Variants in BRSK1 observed in about 807,000 individuals in gnomAD.
The protein encoded by BRSK1 is serine/threonine-protein kinase BRSK1.
A neutral mutation model predicts 86.2 loss-of-function variants in BRSK1; 17 were observed. The observed-to-expected ratio is 0.20, with a 90% CI of 0.14 to 0.30. The LOEUF (loss-of-function observed/expected upper bound fraction) is 0.30. BRSK1 is among the 10% of genes least tolerant of loss of function. The probability of loss-of-function intolerance (pLI) is 1.00; values close to 1 mark genes in which losing one functional copy is unlikely to be tolerated. For synonymous variants in BRSK1, 464 were observed against 440.1 expected, an observed-to-expected ratio of 1.05 and a Z score of -0.68; for missense variants, 719 against 1,071.9, an observed-to-expected ratio of 0.67 and a Z score of 4.60.
At chr19:55,305,647 C>A in intron 16 of BRSK1, 61 bp downstream of exon 16, 3 of 1,609,722 alleles carry the variant, frequency 1.9e-6, no homozygotes, top group Non-Finnish European at 1.7e-6. Flanking sequence ...CCAGCAGCCC[C>A]TGGGGCTAAC....
rs1346643849 is a variant in BRSK1, at chr19:55,304,755, C to A, written c.1552C>A (p.His518Asn). ...GCGCTCCTCTGGCGGGACCCCCTTG[C>A]ACTCGCCTCTGCACACGCCCCGGGC... Reference protein sequence around the residue: ...SPRSSGGTPLHSPLHTPRASP... With the variant: ...SPRSSGGTPLNSPLHTPRASP... The change falls in exon 14 of 19, where the codon CAC becomes AAC. Residue 518 changes from histidine to asparagine, a missense_variant. Transcript: ENST00000309383. The surrounding 1 kb of genome is among the most constrained non-coding windows in gnomAD (Gnocchi z 5.2). The A allele has an allele frequency of 3.9e-6, 6 of 1,540,364 alleles. No individual in the cohort carries two copies. Among genetic ancestry groups the A allele is most frequent in the Non-Finnish European group, 8.7e-7 (1 of 1,147,792 alleles).
intron 17 of BRSK1, among the ~76,000 whole-genome samples, chr19:55,308,038 T>C (rs2088689205): frequency 2.1e-5 from 3 of 140,218 alleles, no homozygotes; most frequent in Admixed American, 2.1e-4. Context: ...TTTTTTTTTT[T>C]GAGACAGAGT....
In BRSK1 at chr19:55,294,461, G is replaced by A. The variant is rs751348832; in HGVS notation, c.678+64G>A. 6.5e-7 allele frequency: 1 copy of A among 1,540,984 alleles called. No homozygotes were observed. The highest frequency in any genetic ancestry group is 8.9e-7 in the Non-Finnish European group (1 of 1,123,820). ...TCCCACCTGGTGGGAGCATAGGACA[G>A]TACCTTCCATCCTCAGGTCATCTCC... On this transcript the variant is annotated intron_variant, in intron 7 of 18. Transcript: ENST00000309383. This position sits in a 1 kb window ranked among gnomAD's most constrained non-coding sequence, Gnocchi z 4.9.
At position 55,311,905 on chromosome 19, in the gene BRSK1, T is replaced by A. The variant is rs2088807108; in HGVS notation, c.2180-6T>A. ...AACCCACGAAAAACCTCTTCCTCCC[T>A]TGCAGACGAGAAGAACGGGGCCCAG... On this transcript the variant is annotated splice_region_variant and splice_polypyrimidine_tract_variant and intron_variant, in intron 18 of 18. Transcript: ENST00000309383. The A allele has an allele frequency of 4.3e-6, 7 of 1,611,132 alleles. No individual in the cohort carries two copies. The East Asian group carries it at 1.6e-4, about 36-fold the overall frequency.
At position 55,294,582 on chromosome 19, in the gene BRSK1, A is replaced by G. The variant is rs914250756; in HGVS notation, c.678+185A>G. Among the ~76,000 whole-genome samples the G allele has an allele frequency of 6.6e-6, 1 of 151,864 alleles. No homozygotes were observed. Among genetic ancestry groups the G allele is most frequent in the Non-Finnish European group, 1.5e-5 (1 of 67,932 alleles). On this transcript the variant is annotated intron_variant, in intron 7 of 18. Transcript: ENST00000309383. The surrounding 1 kb of genome is among the most constrained non-coding windows in gnomAD (Gnocchi z 4.9). ...AGTGGTGTGATCTCAGCTCACTGCAACCTCTGCCTCCCAGCTTCAAGCAAT... is the reference window on the plus strand; with the variant it reads ...AGTGGTGTGATCTCAGCTCACTGCAGCCTCTGCCTCCCAGCTTCAAGCAAT...
In BRSK1 at chr19:55,287,476, C is replaced by T. The variant is rs1159873673; in HGVS notation, c.317+177C>T. On this transcript the variant is annotated intron_variant, in intron 3 of 18. Coordinates refer to ENST00000309383, the MANE Select transcript of BRSK1 (RefSeq NM_032430.2). The surrounding 1 kb of genome is among the most constrained non-coding windows in gnomAD (Gnocchi z 5.3). Reference sequence around the variant, plus strand: ...GGGAAGCCCCTGACACACAGGGAACCCCACTGTTGTCACGCTGTGTTGGGC... The same window carrying T: ...GGGAAGCCCCTGACACACAGGGAACTCCACTGTTGTCACGCTGTGTTGGGC... Among the ~76,000 whole-genome samples the T allele has an allele frequency of 6.6e-6, 1 of 152,176 alleles. No individual in the cohort carries two copies. Among genetic ancestry groups the T allele is most frequent in the East Asian group, 1.9e-4 (1 of 5,178 alleles).
Position 55,283,999 on chromosome 19 carries a change from A to T in BRSK1, c.-444A>T. 1 of 1,150,844 alleles carries T rather than the reference A, an allele frequency of 8.7e-7. No individual in the cohort carries two copies. The highest frequency in any genetic ancestry group is 1.1e-6 in the Non-Finnish European group (1 of 937,118). The allele number at this position is 1,150,844 out of a possible 1,614,324, so 71.3% of individuals were successfully genotyped here. Reference sequence around the variant, plus strand: ...TTGGGGAAGGGCCCGGAGTCCCCGGATGGTGATGTCAGCGTGCCGGAGAGA... The same window carrying T: ...TTGGGGAAGGGCCCGGAGTCCCCGGTTGGTGATGTCAGCGTGCCGGAGAGA... On this transcript the variant is annotated 5_prime_UTR_variant, in exon 1 of 19. It removes an upstream start codon present in the reference 5' UTR. Coordinates refer to ENST00000309383, the MANE Select transcript of BRSK1 (RefSeq NM_032430.2).
Position 55,304,506 on chromosome 19 carries a change from G to T in BRSK1, c.1348-45G>T. On this transcript the variant is annotated intron_variant, in intron 13 of 18. Coordinates refer to ENST00000309383, the MANE Select transcript of BRSK1 (RefSeq NM_032430.2). The surrounding 1 kb of genome is among the most constrained non-coding windows in gnomAD (Gnocchi z 5.2). ...TGAGTGGGGCTCCTAGAGCCTCCTG[G>T]GAGTTGTAGTCCACTCGCTTATCTC... 1 of 1,498,508 alleles carries T rather than the reference G, an allele frequency of 6.7e-7. No homozygotes were observed. Among genetic ancestry groups the T allele is most frequent in the Non-Finnish European group, 8.9e-7 (1 of 1,127,634 alleles). 92.8% of individuals were successfully genotyped at this position (1,498,508 alleles called of 1,614,324 possible).
intron 7 of BRSK1, among the ~76,000 whole-genome samples, chr19:55,299,335 C>T (rs1216822232): frequency 6.6e-6 from 1 of 151,900 alleles, no homozygotes; most frequent in Admixed American, 6.6e-5. Flanking sequence ...TCAAGAATAA[C>T]AAGAATCAAC....
intron 18 of BRSK1, 95 bp downstream of exon 18, chr19:55,308,823 C>G (rs1167888669): frequency 0.011 from 24 of 2,116 alleles, no homozygotes; most frequent in Admixed American, 0.019. Context: ...TGGCGGGGGG[C>G]GTGGGTGGCG....
At position 55,284,498 on chromosome 19, in the gene BRSK1, A is replaced by ACCC; in HGVS notation, c.59_61dup (p.Pro20dup). 2.5e-6 allele frequency: 1 copy of ACCC among 403,744 alleles called. No homozygotes were observed. The highest frequency in any genetic ancestry group is 4.0e-6 in the Non-Finnish European group (1 of 251,860). 25.0% of individuals were successfully genotyped at this position (403,744 alleles called of 1,614,324 possible). A position where few individuals can be genotyped will look rare whatever the true frequency, so the allele number is the denominator to read the frequency against. The stretch of plus-strand genomic sequence containing the variant: ...GGCTCTCCCGCCTACCACCTCCCCC[A>ACCC]CCCCCACCCCCACCCACCCCAGCAC... On this transcript the variant is annotated inframe_insertion, in exon 1 of 19. Transcript: ENST00000309383.
intron 4 of BRSK1, among the ~76,000 whole-genome samples, chr19:55,291,259 C>T (rs2122944600): frequency 6.6e-6 from 1 of 151,408 alleles, no homozygotes; most frequent in African/African-American, 2.4e-5. Context: ...TTTTTTTTGG[C>T]TGGGCATGGT....
At chr19:55,288,532 A>G (rs1462620941) in intron 3 of BRSK1, among the ~76,000 whole-genome samples, 1 of 151,202 alleles carries the variant, frequency 6.6e-6, no homozygotes, top group Non-Finnish European at 1.5e-5. Flanking sequence ...TGGTTGATGG[A>G]AACTGGAACC....
At position 55,306,246 on chromosome 19, in the gene BRSK1, G is replaced by A. The variant is rs2305784; in HGVS notation, c.1891-6G>A. On this transcript the variant is annotated splice_polypyrimidine_tract_variant and splice_region_variant and intron_variant, in intron 16 of 18. Coordinates refer to ENST00000309383, the MANE Select transcript of BRSK1 (RefSeq NM_032430.2). The surrounding 1 kb of genome is among the most constrained non-coding windows in gnomAD (Gnocchi z 4.7). ...TCACCCCTTCCTGTGTTCCTACCTCGCTCAGATCCCCAGCCTGAGTCACAG... is the reference window on the plus strand; with the variant it reads ...TCACCCCTTCCTGTGTTCCTACCTCACTCAGATCCCCAGCCTGAGTCACAG... 1.3e-5 allele frequency: 21 copies of A among 1,613,704 alleles called. No homozygotes were observed. The highest frequency in any genetic ancestry group is 3.3e-5 in the South Asian group (3 of 91,082).
rs2088601522 is a variant in BRSK1 at position 55,303,440 on chromosome 19, T to C, written c.1126+32T>C. 18 of 1,601,326 alleles carry C rather than the reference T, an allele frequency of 1.1e-5. No homozygotes were observed. The highest frequency in any genetic ancestry group is 1.5e-5 in the Non-Finnish European group (18 of 1,168,638). ...AGGCAGGGCTAGGGGACCAGACACC[T>C]GGGTCTCGAGATTGGAAGAGGCTGG... On this transcript the variant is annotated intron_variant, in intron 11 of 18. Transcript: ENST00000309383. The surrounding 1 kb of genome is among the most constrained non-coding windows in gnomAD (Gnocchi z 5.1).
At chr19:55,295,122 A>T (rs761434538) in intron 7 of BRSK1, among the ~76,000 whole-genome samples, 3 of 146,340 alleles carry the variant, frequency 2.1e-5, no homozygotes, top group Non-Finnish European at 3.0e-5. Flanking sequence ...TTTTATTTTT[A>T]TTTTTATTTT....
At position 55,303,223 on chromosome 19, in the gene BRSK1, C is replaced by G; in HGVS notation, c.1029-88C>G. 9.6e-7 allele frequency: 1 copy of G among 1,043,436 alleles called. No individual in the cohort carries two copies. The highest frequency in any genetic ancestry group is 1.5e-6 in the Non-Finnish European group (1 of 675,924). The allele number at this position is 1,043,436 out of a possible 1,614,324, so 64.6% of individuals were successfully genotyped here. A position where few individuals can be genotyped will look rare whatever the true frequency, so the allele number is the denominator to read the frequency against. ...AAAAATGGAACCATGGGCAGAAATA[C>G]AGGGAGCGGAGGAGACCTCCTCTGA... On this transcript the variant is annotated intron_variant, in intron 10 of 18. Transcript: ENST00000309383. This position sits in a 1 kb window ranked among gnomAD's most constrained non-coding sequence, Gnocchi z 5.1.
Position 55,304,749 on chromosome 19 carries a change from C to T in BRSK1, c.1546C>T (p.Pro516Ser). The T allele has an allele frequency of 1.3e-6, 2 of 1,538,028 alleles. No individual in the cohort carries two copies. The highest frequency in any genetic ancestry group is 1.7e-6 in the Non-Finnish European group (2 of 1,146,838). Residue 516 changes from proline to serine, a missense_variant, in exon 14 of 19, where the codon CCC (proline) becomes TCC (serine). By Grantham distance (74) the Pro-to-Ser change is moderately conservative. This residue lies in a region of BRSK1 where 143 missense variants were observed against 120.1 expected (regional missense o/e 1.19). Coordinates refer to ENST00000309383, the MANE Select transcript of BRSK1 (RefSeq NM_032430.2). This position sits in a 1 kb window ranked among gnomAD's most constrained non-coding sequence, Gnocchi z 5.2. Reference protein sequence around the residue: ...PGSPRSSGGTPLHSPLHTPRA... With the variant: ...PGSPRSSGGTSLHSPLHTPRA... ...CTCCCCGCGCTCCTCTGGCGGGACC[C>T]CCTTGCACTCGCCTCTGCACACGCC...
Position 55,304,152 on chromosome 19 carries a change from G to A in BRSK1, c.1347+42G>A, listed in dbSNP as rs1432955150. On this transcript the variant is annotated intron_variant, in intron 13 of 18. Transcript: ENST00000309383. This position sits in a 1 kb window ranked among gnomAD's most constrained non-coding sequence, Gnocchi z 5.2. ...AGTGGGATTTAAGAAGGAGAAAGGGGTGGAGACATGGAGCAAAGATTGAGT... is the reference window on the plus strand; with the variant it reads ...AGTGGGATTTAAGAAGGAGAAAGGGATGGAGACATGGAGCAAAGATTGAGT... 1.9e-6 allele frequency: 3 copies of A among 1,563,166 alleles called. No individual in the cohort carries two copies. The highest frequency in any genetic ancestry group is 1.4e-5 in the African/African-American group (1 of 73,524).
Sources: allele counts gnomAD v4.1 joint callset (sites outside exome capture counted in the v4.1 genomes callset), GRCh38; gene constraint gnomAD v4.1.1; regional missense constraint gnomAD v4.1.1; non-coding constraint Gnocchi (gnomAD v3.1); transcripts MANE v1.5; gene names NCBI Gene and HGNC (gene_info 2026-07-23, HGNC 2026-07-21).